ISYNA1: variants seen among roughly 807,000 people sequenced by gnomAD.
ISYNA1 encodes inositol-3-phosphate synthase 1.
Under a neutral mutation model 50.3 loss-of-function variants are expected in ISYNA1, and 34 were observed. That is an observed-to-expected ratio of 0.68 (90% CI 0.51 to 0.90). The LOEUF (loss-of-function observed/expected upper bound fraction) is 0.90. ISYNA1 is among the 40% of genes least tolerant of loss of function. The probability of loss-of-function intolerance (pLI) is 0.00; values close to 1 mark genes in which losing one functional copy is unlikely to be tolerated. For missense variants in ISYNA1, 718 were observed against 784.8 expected (o/e 0.91, Z 1.02); for synonymous variants, 396 against 349.9 (o/e 1.13, Z -1.47).
intron 5 of ISYNA1, 68 bp downstream of exon 5, chr19:18,436,616 G>A: frequency 6.3e-7 from 1 of 1,596,624 alleles, no homozygotes; most frequent in Non-Finnish European, 8.5e-7. Flanking sequence ...GCGGGGTGGG[G>A]CAAAAAGAGG....
Position 18,437,763 on chromosome 19 carries a change from G to T in ISYNA1, c.121-3C>A, listed in dbSNP as rs768971218. ...AAGCGCGTGGACGTGGGGTGCACCT[G>T]AAGACAGGCCGCGCAGTGAATCCCG... On this transcript the variant is annotated splice_polypyrimidine_tract_variant and splice_region_variant and intron_variant, in intron 2 of 10. Coordinates refer to ENST00000338128, the MANE Select transcript of ISYNA1 (RefSeq NM_016368.5). 4 of 1,585,598 alleles carry T rather than the reference G, an allele frequency of 2.5e-6. No homozygotes were observed. The highest frequency in any genetic ancestry group is 2.3e-5 in the East Asian group (1 of 43,740).
rs1432710317 is a variant in ISYNA1, at chr19:18,436,489, G to A, written c.610-10C>T. ...TGCGGATCTGCTCCAGCTGTGGGTT[G>A]GATGGTGAGGGTGTGGGGAGGATGG... On this transcript the variant is annotated splice_polypyrimidine_tract_variant and intron_variant, in intron 5 of 10. Coordinates refer to ENST00000338128, the MANE Select transcript of ISYNA1 (RefSeq NM_016368.5). 1 of 1,603,158 alleles carries A rather than the reference G, an allele frequency of 6.2e-7. No homozygotes were observed. The highest frequency in any genetic ancestry group is 8.5e-7 in the Non-Finnish European group (1 of 1,179,636).
rs1317697791 is a variant in ISYNA1, at chr19:18,436,324, G to A, written c.759+6C>T. The A allele has an allele frequency of 5.6e-6, 9 of 1,611,204 alleles. No individual in the cohort carries two copies. Among genetic ancestry groups the A allele is most frequent in the South Asian group, 5.5e-5 (5 of 91,072 alleles). ...CCTGACCCGCTCCACCCGGGCGTTC[G>A]CCCACCTCAATGGTGCGCAGCAGGT... On this transcript the variant is annotated splice_donor_region_variant and intron_variant, in intron 6 of 10. Coordinates refer to ENST00000338128, the MANE Select transcript of ISYNA1 (RefSeq NM_016368.5).
At position 18,436,242 on chromosome 19, in the gene ISYNA1, A is replaced by G. The variant is rs1440479985; in HGVS notation, c.765T>C (p.Gly255=). 8.1e-6 allele frequency: 13 copies of G among 1,608,398 alleles called. No individual in the cohort carries two copies. The highest frequency in any genetic ancestry group is 1.1e-5 in the Non-Finnish European group (13 of 1,179,912). The change falls in exon 7 of 11, where the codon GGT becomes GGC. Residue 255 remains glycine (G), a synonymous_variant. Coordinates refer to ENST00000338128, the MANE Select transcript of ISYNA1 (RefSeq NM_016368.5). ...AENLLRTIEL[G]LEVSPSTLFA... Reference sequence around the variant, plus strand: ...AGAGCGTGGAGGGCGACACCTCCAGACCGAGCTGTGGGCAAGGCGGGCAGT... The same window carrying G: ...AGAGCGTGGAGGGCGACACCTCCAGGCCGAGCTGTGGGCAAGGCGGGCAGT...
Position 18,435,828 on chromosome 19 carries a change from T to C in ISYNA1, c.1069A>G (p.Ser357Gly), listed in dbSNP as rs1973983990. ...TGCACCATGTCGTCCACCACGTTGCTCTTGGACACCTCCTTAGAGCGGAAC... is the reference window on the plus strand; with the variant it reads ...TGCACCATGTCGTCCACCACGTTGCCCTTGGACACCTCCTTAGAGCGGAAC... Reference protein sequence around the residue: ...LQFRSKEVSKSNVVDDMVQSN... With the variant: ...LQFRSKEVSKGNVVDDMVQSN... Residue 357 changes from serine to glycine, a missense_variant, in exon 8 of 11, where the codon AGC (serine) becomes GGC (glycine). Transcript: ENST00000338128. 2 of 1,613,830 alleles carry C rather than the reference T, an allele frequency of 1.2e-6. No individual in the cohort carries two copies. Among genetic ancestry groups the C allele is most frequent in the Admixed American group, 1.7e-5 (1 of 60,008 alleles).
At position 18,436,344 on chromosome 19, in the gene ISYNA1, G is replaced by A; in HGVS notation, c.745C>T (p.Leu249=). 1.2e-6 allele frequency: 2 copies of A among 1,612,314 alleles called. No individual in the cohort carries two copies. The highest frequency in any genetic ancestry group is 1.7e-6 in the Non-Finnish European group (2 of 1,179,922). ...PGLNDTAENL[L]RTIELGLEVS... ...CGTTCGCCCACCTCAATGGTGCGCAGCAGGTTCTCGGCTGTGTCGTTGAGG... is the reference window on the plus strand; with the variant it reads ...CGTTCGCCCACCTCAATGGTGCGCAACAGGTTCTCGGCTGTGTCGTTGAGG... The change falls in exon 6 of 11, where the codon CTG becomes TTG. Residue 249 remains leucine (L), a synonymous_variant. Transcript: ENST00000338128.
chr19:18,435,370 C>G lies in ISYNA1; in HGVS notation c.1368G>C (p.Val456=). The change falls in exon 10 of 11, where the codon GTG becomes GTC. Residue 456 remains valine (V), a synonymous_variant. Transcript: ENST00000338128. ...TGAAGAGGAAGCTGAGCAGGGACAG[C>G]ACGGGGTGGAAGGTCTGCGGCTCGG... ...MDPEPQTFHP[V]LSLLSFLFKA... 6.2e-7 allele frequency: 1 copy of G among 1,611,322 alleles called. No individual in the cohort carries two copies. The highest frequency in any genetic ancestry group is 8.5e-7 in the Non-Finnish European group (1 of 1,179,986).
chr19:18,435,176 C>T (rs535074637), intron 10 of ISYNA1, 59 bp from the exon 11 acceptor site: 7 of 1,601,498 alleles, frequency 4.4e-6, no homozygotes, highest in East Asian at 2.2e-5. Context: ...GGGGGGGTAT[C>T]CCTGCCACCT....
Position 18,435,100 on chromosome 19 carries a change from G to A in ISYNA1, c.1490C>T (p.Pro497Leu), listed in dbSNP as rs945866048. The A allele has an allele frequency of 1.2e-6, 2 of 1,613,320 alleles. No individual in the cohort carries two copies. The highest frequency in any genetic ancestry group is 8.5e-7 in the Non-Finnish European group (1 of 1,179,978). The part of the protein sequence containing the change: ...ENILRACVGL[P>L]PQNHMLLEHK... ...TTCCAGGAGCATGTGGTTCTGTGGC[G>A]GGAGCCCCACGCAGGCCCTGGAGAG... The change falls in exon 11 of 11, where the codon CCG (proline) becomes CTG (leucine). Residue 497 changes from proline to leucine, a missense_variant. By Grantham distance (98) the Pro-to-Leu change is moderately conservative. This residue lies in a region of ISYNA1 where 305 missense variants were observed against 292.6 expected (regional missense o/e 1.04). Coordinates refer to ENST00000338128, the MANE Select transcript of ISYNA1 (RefSeq NM_016368.5).
At position 18,436,464 on chromosome 19, in the gene ISYNA1, T is replaced by C. The variant is rs377167361; in HGVS notation, c.625A>G (p.Arg209Gly). 1.1e-5 allele frequency: 18 copies of C among 1,605,592 alleles called. No homozygotes were observed. In the African/African-American group the frequency reaches 2.1e-4, roughly 19 times the overall value. Residue 209 changes from arginine to glycine, a missense_variant, in exon 6 of 11, where the codon AGG becomes GGG. Physicochemically the swap from Arg to Gly is moderately radical, Grantham distance 125. Around this residue, in one of 3 missense-constraint regions of ISYNA1, gnomAD observed 403 missense variants for 466.6 expected, o/e 0.86. Transcript: ENST00000338128. Reference sequence around the variant, plus strand: ...CTAGACCGGAAGTCTCGGATGTCCCTGCGGATCTGCTCCAGCTGTGGGTTG... The same window carrying C: ...CTAGACCGGAAGTCTCGGATGTCCCCGCGGATCTGCTCCAGCTGTGGGTTG... ...SRAQQLEQIR[R>G]DIRDFRSSAG... is the part of the protein sequence containing the mutation.
Position 18,434,635 on chromosome 19 carries a change from C to T in ISYNA1, c.*278G>A, listed in dbSNP as rs1973867874. On this transcript the variant is annotated 3_prime_UTR_variant, in exon 11 of 11. Transcript: ENST00000338128. The stretch of plus-strand genomic sequence containing the variant: ...CCTGTGGTCTTGTTCCGTCCCCGCC[C>T]CCATCTAGCCCCACCTTTGAGAACT... The T allele has an allele frequency of 3.5e-6, 2 of 565,008 alleles. No homozygotes were observed. The highest frequency in any genetic ancestry group is 1.9e-5 in the African/African-American group (1 of 53,288). 35.0% of individuals were successfully genotyped at this position (565,008 alleles called of 1,614,324 possible).
chr19:18,436,647 G>A, intron 5 of ISYNA1, 37 bp downstream of exon 5: 1 of 1,585,934 alleles, frequency 6.3e-7, no homozygotes, highest in Non-Finnish European at 8.6e-7. Context: ...GCGAAGAACA[G>A]GTGGCAGGAA....
chr19:18,435,848 C>G lies in ISYNA1; in HGVS notation c.1049G>C (p.Arg350Pro), dbSNP rs751277347. ...GTTGCTCTTGGACACCTCCTTAGAG[C>G]GGAACTGCAATGGCGCCGATAGGTT... ...GENLSAPLQF[R>P]SKEVSKSNVV... Residue 350 changes from arginine (R) to proline (P), a missense_variant, in exon 8 of 11, where the codon CGC becomes CCC. Transcript: ENST00000338128. 6.2e-7 allele frequency: 1 copy of G among 1,613,908 alleles called. No individual in the cohort carries two copies. Among genetic ancestry groups the G allele is most frequent in the Non-Finnish European group, 8.5e-7 (1 of 1,179,962 alleles).
At position 18,436,673 on chromosome 19, in the gene ISYNA1, TG is replaced by T. The variant is rs1568366398; in HGVS notation, c.609+10del. On this transcript the variant is annotated intron_variant, in intron 5 of 10. Transcript: ENST00000338128. ...GTGGCAGGAAGCAAGGGATGCGGGATGGGACAGCACCTGCTGCGCACGCGAG... is the reference window on the plus strand; with the variant it reads ...GTGGCAGGAAGCAAGGGATGCGGGATGGACAGCACCTGCTGCGCACGCGAG... 1 of 1,577,946 alleles carries T rather than the reference TG, an allele frequency of 6.3e-7. No individual in the cohort carries two copies. Among genetic ancestry groups the T allele is most frequent in the Non-Finnish European group, 8.6e-7 (1 of 1,162,802 alleles).
intron 3 of ISYNA1, chr19:18,437,368 G>T: frequency 1.1e-6 from 1 of 897,580 alleles, no homozygotes; most frequent in Non-Finnish European, 1.4e-6. Flanking sequence ...GCCAGGCCCC[G>T]CCCCCTGCAA....
Position 18,435,023 on chromosome 19 carries a change from C to A in ISYNA1, c.1567G>T (p.Ala523Ser), listed in dbSNP as rs755350113. The A allele has an allele frequency of 6.2e-7, 1 of 1,613,448 alleles. No homozygotes were observed. Among genetic ancestry groups the A allele is most frequent in the African/African-American group, 1.3e-5 (1 of 74,900 alleles). Residue 523 changes from alanine to serine, a missense_variant, in exon 11 of 11, where the codon GCC becomes TCC. Around this residue, in one of 3 missense-constraint regions of ISYNA1, gnomAD observed 305 missense variants for 292.6 expected, o/e 1.04. Transcript: ENST00000338128. Reference protein sequence around the residue: ...PSLKRVGPVAATYPMLNKKGP... With the variant: ...PSLKRVGPVASTYPMLNKKGP... ...TTCTTGTTCAACATAGGGTAGGTGG[C>A]AGCCACGGGTCCAACTCGCTTGAGG...
chr19:18,435,285 A>G lies in ISYNA1; in HGVS notation c.1453T>C (p.Cys485Arg). 6.2e-7 allele frequency: 1 copy of G among 1,606,688 alleles called. No homozygotes were observed. The highest frequency in any genetic ancestry group is 8.5e-7 in the Non-Finnish European group (1 of 1,179,788). ...GTGCACCTGAGGATGTTCTCGATGC[A>G]GCTGCGCTGGCGGAAAAGCGCATTG... ...VVNALFRQRS[C>R]IENILRACVG... Residue 485 changes from cysteine to arginine, a missense_variant, in exon 10 of 11, where the codon TGC becomes CGC. Around this residue, in one of 3 missense-constraint regions of ISYNA1, gnomAD observed 305 missense variants for 292.6 expected, o/e 1.04. Coordinates refer to ENST00000338128, the MANE Select transcript of ISYNA1 (RefSeq NM_016368.5).
chr19:18,435,978 T>C, intron 7 of ISYNA1, 54 bp downstream of exon 7: 1 of 1,612,668 alleles, frequency 6.2e-7, no homozygotes, highest in East Asian at 2.2e-5. Flanking sequence ...ACAAGCCAGG[T>C]GCTCGCGGCC....
chr19:18,437,097 G>A lies in ISYNA1; in HGVS notation c.291C>T (p.Asn97=). The A allele has an allele frequency of 6.3e-7, 1 of 1,582,960 alleles. No individual in the cohort carries two copies. The highest frequency in any genetic ancestry group is 8.6e-7 in the Non-Finnish European group (1 of 1,166,466). Residue 97 remains asparagine (N), a synonymous_variant, in exon 4 of 11, where the codon AAC becomes AAT. Coordinates refer to ENST00000338128, the MANE Select transcript of ISYNA1 (RefSeq NM_016368.5). The part of the protein sequence containing the change: ...WPTRSGRKEA[N]YYGSLTQAGT... ...CCGCCTGAGTCAGCGAGCCGTAGTAGTTGGCCTCCTGGGGGTCAGCAGACA... is the reference window on the plus strand; with the variant it reads ...CCGCCTGAGTCAGCGAGCCGTAGTAATTGGCCTCCTGGGGGTCAGCAGACA...
Sources: gnomAD v4.1 joint callset for allele counts on GRCh38, gnomAD v4.1.1 for gene constraint, gnomAD v4.1.1 regional missense constraint, MANE v1.5 for transcripts, NCBI Gene and HGNC (gene_info 2026-07-23, HGNC 2026-07-21) for gene names.